Variants in SYTL3 observed in about 807,000 individuals in gnomAD.
SYTL3 encodes the protein synaptotagmin-like protein 3.
A neutral mutation model predicts 82.1 loss-of-function variants in SYTL3; 88 were observed. The ratio of observed to expected loss-of-function variants is 1.07; its 90% CI spans 0.90 to 1.28. The LOEUF (loss-of-function observed/expected upper bound fraction) is 1.28. Ranked by LOEUF, SYTL3 falls within the 50% of genes most tolerant of loss-of-function variation. The pLI is 0.00. For synonymous variants in SYTL3, 311 were observed against 289.4 expected, an observed-to-expected ratio of 1.07 and a Z score of -0.76; for missense variants, 831 against 757.6, an observed-to-expected ratio of 1.10 and a Z score of -1.14.
rs1444279388 is a variant in SYTL3 at position 158,718,221 on chromosome 6, G to T, written c.720+10G>T. On this transcript the variant is annotated intron_variant, in intron 10 of 17. Transcript: ENST00000611299. Reference sequence around the variant, plus strand: ...CAACGTCACCACCAGGGTACCCTGAGCCCCACAAGGCCTCCACGCTGATCA... The same window carrying T: ...CAACGTCACCACCAGGGTACCCTGATCCCCACAAGGCCTCCACGCTGATCA... 6.6e-7 allele frequency: 1 copy of T among 1,515,976 alleles called. No homozygotes were observed. Among genetic ancestry groups the T allele is most frequent in the Non-Finnish European group, 8.9e-7 (1 of 1,129,452 alleles). 93.9% of individuals were successfully genotyped at this position (1,515,976 alleles called of 1,614,324 possible).
At chr6:158,741,284 G>C (rs1378428096) in intron 11 of SYTL3, among the ~76,000 whole-genome samples, 1 of 152,140 alleles carries the variant, frequency 6.6e-6, no homozygotes, top group African/African-American at 2.4e-5. Flanking sequence ...TGGCCAGCTG[G>C]TCTCGAACTC....
At chr6:158,749,507 CTTTTTTTTTTTTTTT>C (rs765386344) in intron 12 of SYTL3, among the ~76,000 whole-genome samples, 3 of 66,024 alleles carry the variant, frequency 4.5e-5, no homozygotes, top group Admixed American at 1.8e-4. Flanking sequence ...TTCTTTCTCT[CTTTTTTTTTTTTTTT>C]TTTTTTTTTT....
rs560879803 is a variant in SYTL3 at position 158,709,419 on chromosome 6, C to T, written c.516+1028C>T. ...ATAGAAAAGATCAAAATGCAAAGTA[C>T]GGTTTCTACTGAATATATATTGCTT... On this transcript the variant is annotated intron_variant, in intron 8 of 17. Transcript: ENST00000611299. Among the ~76,000 whole-genome samples the T allele has an allele frequency of 1.2e-4, 19 of 152,156 alleles. No homozygotes were observed. In the South Asian group the frequency reaches 2.7e-3, roughly 22 times the overall value.
chr6:158,685,216 C>CTCTCTT (rs769252041), intron 6 of SYTL3, among the ~76,000 whole-genome samples: 7 of 135,674 alleles, frequency 5.2e-5, no homozygotes, highest in African/African-American at 1.4e-4. Flanking sequence ...CTCTCTCTCT[C>CTCTCTT]TTTTTTTTTT....
intron 6 of SYTL3, among the ~76,000 whole-genome samples, chr6:158,689,756 C>T (rs1407920731): frequency 7.2e-5 from 11 of 151,940 alleles, no homozygotes; most frequent in African/African-American, 2.4e-4. Flanking sequence ...TAGGTTCAAG[C>T]GATTCTTCTG....
chr6:158,742,819 C>T (rs1189981439), intron 11 of SYTL3, among the ~76,000 whole-genome samples: 1 of 152,012 alleles, frequency 6.6e-6, no homozygotes, highest in South Asian at 2.1e-4. Context: ...GACCTCCTGA[C>T]CTCATGATCT....
At chr6:158,671,725 G>C (rs1269795338) in intron 5 of SYTL3, among the ~76,000 whole-genome samples, 1 of 133,836 alleles carries the variant, frequency 7.5e-6, no homozygotes, top group Non-Finnish European at 1.5e-5. Flanking sequence ...CTGACAGCGA[G>C]ACTCAGTCTA....
chr6:158,679,387 CT>C (rs1778402278), intron 5 of SYTL3, among the ~76,000 whole-genome samples: 2 of 151,698 alleles, frequency 1.3e-5, no homozygotes, highest in Non-Finnish European at 1.5e-5. Context: ...AAAAAAAAGT[CT>C]TGGGATTAGT....
At chr6:158,733,857 G>A (rs917752035) in intron 11 of SYTL3, among the ~76,000 whole-genome samples, 17 of 150,632 alleles carry the variant, frequency 1.1e-4, no homozygotes, top group African/African-American at 4.1e-4. Context: ...CAGCTCTTTG[G>A]GAGGCCGAGG....
At chr6:158,732,262 C>T (rs1785499031) in intron 11 of SYTL3, among the ~76,000 whole-genome samples, 1 of 152,198 alleles carries the variant, frequency 6.6e-6, no homozygotes, top group South Asian at 2.1e-4. Context: ...CAATCTCCTT[C>T]AACCACTCCA....
chr6:158,664,383 A>G lies in SYTL3; in HGVS notation c.110+1005A>G, dbSNP rs1229074625. Reference sequence around the variant, plus strand: ...AACATAGTGAAACCCTGTCTCTACTAAAAATACAAAAATTAGCCGGGCGGT... The same window carrying G: ...AACATAGTGAAACCCTGTCTCTACTGAAAATACAAAAATTAGCCGGGCGGT... On this transcript the variant is annotated intron_variant, in intron 4 of 17. Transcript: ENST00000611299. Among the ~76,000 whole-genome samples, 8 of 152,128 alleles carry G rather than the reference A, an allele frequency of 5.3e-5. 1 individual carries two copies. Among genetic ancestry groups the G allele is most frequent in the African/African-American group, 1.9e-4 (8 of 41,424 alleles).
chr6:158,754,752 T>A (rs1437675784), intron 13 of SYTL3, among the ~76,000 whole-genome samples: 1 of 152,046 alleles, frequency 6.6e-6, no homozygotes, highest in Non-Finnish European at 1.5e-5. Context: ...AAAGGTAGAT[T>A]CTGTATGTAG....
chr6:158,764,498 G>A lies in SYTL3; in HGVS notation c.1727G>A (p.Gly576Glu), dbSNP rs747415795. 2 of 1,610,946 alleles carry A rather than the reference G, an allele frequency of 1.2e-6. No individual in the cohort carries two copies. Among genetic ancestry groups the A allele is most frequent in the East Asian group, 2.2e-5 (1 of 44,872 alleles). Residue 576 changes from glycine to glutamate, a missense_variant, in exon 18 of 18, where the codon GGA (glycine) becomes GAA (glutamate). By Grantham distance (98) the Gly-to-Glu change is moderately conservative (BLOSUM62 -2). Coordinates refer to ENST00000611299, the MANE Select transcript of SYTL3 (RefSeq NM_001242394.2). The part of the protein sequence containing the change: ...LLGGTRLGSK[G>E]DTAVGGDACS... Reference sequence around the variant, plus strand: ...AAATTGTCTTCCTCTCTTACAGAGGGAGACACAGCTGTTGGCGGGGATGCA... The same window carrying A: ...AAATTGTCTTCCTCTCTTACAGAGGAAGACACAGCTGTTGGCGGGGATGCA...
chr6:158,701,979 C>T (rs1781360333), intron 6 of SYTL3, among the ~76,000 whole-genome samples: 1 of 151,878 alleles, frequency 6.6e-6, no homozygotes, highest in Non-Finnish European at 1.5e-5. Flanking sequence ...TCCCCCTTCC[C>T]TTCTTGTTTT....
chr6:158,759,398 C>T (rs562641403), intron 14 of SYTL3, among the ~76,000 whole-genome samples: 7 of 152,338 alleles, frequency 4.6e-5, no homozygotes, highest in African/African-American at 1.2e-4. Context: ...CTGGCCCACG[C>T]GGGCTCCCAG....
At chr6:158,750,089 C>A (rs1231322787) in intron 12 of SYTL3, among the ~76,000 whole-genome samples, 2 of 152,078 alleles carry the variant, frequency 1.3e-5, no homozygotes, top group Non-Finnish European at 2.9e-5. Context: ...GCGGCAGTTA[C>A]AGCAACATAG....
At chr6:158,716,077 G>T (rs35866410) in intron 9 of SYTL3, among the ~76,000 whole-genome samples, 24,062 of 152,108 alleles carry the variant, frequency 0.16, 2,224 homozygotes, top group South Asian at 0.34. Context: ...AGCTGCTGAT[G>T]CTGCCCAATG....
At chr6:158,673,676 T>C (rs959409614) in intron 5 of SYTL3, among the ~76,000 whole-genome samples, 1 of 150,420 alleles carries the variant, frequency 6.6e-6, no homozygotes, top group Non-Finnish European at 1.5e-5. Context: ...TCTGACCTCG[T>C]GATCCACTGC....
At chr6:158,708,417 T>C in intron 8 of SYTL3, 26 bp downstream of exon 8, 1 of 1,605,120 alleles carries the variant, frequency 6.2e-7, no homozygotes, top group African/African-American at 1.3e-5. Context: ...TGGGCACTTC[T>C]CTAGTAGGGG....
Sources: gnomAD v4.1 joint callset for allele counts (sites outside exome capture counted in the v4.1 genomes callset) on GRCh38, gnomAD v4.1.1 for gene constraint, MANE v1.5 for transcripts, NCBI Gene and HGNC (gene_info 2026-07-23, HGNC 2026-07-21) for gene names.